Variants in HTR2A observed in about 807,000 individuals in gnomAD.
HTR2A encodes the protein 5-hydroxytryptamine receptor 2A, also known as 5-HT2 receptor.
Under a neutral mutation model 31.0 loss-of-function variants are expected in HTR2A, and 14 were observed. That is an observed-to-expected ratio of 0.45 (90% confidence interval 0.30 to 0.71). The LOEUF is 0.71. Ranked by LOEUF, HTR2A falls within the 30% of genes least tolerant of loss-of-function variation. The pLI, the probability that HTR2A is intolerant of heterozygous loss-of-function variation, is 0.09. For missense variants in HTR2A, 442 were observed against 573.3 expected (o/e 0.77, Z 2.34); for synonymous variants, 209 against 225.2 (o/e 0.93, Z 0.64).
intron 3 of HTR2A, among the ~76,000 whole-genome samples, chr13:46,855,872 G>A (rs776622789): frequency 1.1e-4 from 17 of 152,226 alleles, no homozygotes; most frequent in Non-Finnish European, 2.1e-4. Flanking sequence ...GTCCGCAAAA[G>A]TAAGGGTGCC....
At chr13:46,877,965 A>T (rs1386576370) in intron 3 of HTR2A, among the ~76,000 whole-genome samples, 1 of 152,172 alleles carries the variant, frequency 6.6e-6, no homozygotes, top group African/African-American at 2.4e-5. Context: ...TGGAGAATAA[A>T]AGATGAGGCA....
intron 1 of HTR2A, 61 bp from the exon 2 acceptor site, chr13:46,896,295 G>A: frequency 1.0e-6 from 1 of 986,248 alleles, no homozygotes. Flanking sequence ...ATCTCATTTT[G>A]TTGGTTATGC....
intron 3 of HTR2A, among the ~76,000 whole-genome samples, chr13:46,845,334 G>A (rs991140201): frequency 6.6e-6 from 1 of 152,150 alleles, no homozygotes; most frequent in South Asian, 2.1e-4. Context: ...ATGAGGCAAG[G>A]AGACAGGAGT....
At chr13:46,857,535 T>A (rs1950747551) in intron 3 of HTR2A, among the ~76,000 whole-genome samples, 1 of 152,162 alleles carries the variant, frequency 6.6e-6, no homozygotes, top group African/African-American at 2.4e-5. Context: ...CTCAAAGGAC[T>A]CACCTCCAAA....
intron 3 of HTR2A, among the ~76,000 whole-genome samples, chr13:46,852,558 G>C (rs527405640): frequency 4.0e-4 from 61 of 152,376 alleles, no homozygotes; most frequent in African/African-American, 1.3e-3. Context: ...AGACTGATGT[G>C]TTAACTTCTA....
At chr13:46,859,386 A>G (rs2138211876) in intron 3 of HTR2A, among the ~76,000 whole-genome samples, 1 of 152,222 alleles carries the variant, frequency 6.6e-6, no homozygotes, top group South Asian at 2.1e-4. Flanking sequence ...TTAAAAGTAT[A>G]TTTTTATTTA....
At chr13:46,881,738 G>A (rs1252832658) in intron 3 of HTR2A, among the ~76,000 whole-genome samples, 1 of 152,114 alleles carries the variant, frequency 6.6e-6, no homozygotes, top group Non-Finnish European at 1.5e-5. Flanking sequence ...AAAGGAGTTG[G>A]GCATAAACCT....
At position 46,895,838 on chromosome 13, in the gene HTR2A, A is replaced by C; in HGVS notation, c.69T>G (p.Asp23Glu). 1 of 1,614,146 alleles carries C rather than the reference A, an allele frequency of 6.2e-7. No homozygotes were observed. Among genetic ancestry groups the C allele is most frequent in the Non-Finnish European group, 8.5e-7 (1 of 1,180,014 alleles). The change falls in exon 2 of 4, where the codon GAT becomes GAG. Residue 23 changes from aspartate to glutamate, a missense_variant. Coordinates refer to ENST00000542664, the MANE Select transcript of HTR2A (RefSeq NM_000621.5). This position sits in a 1 kb window ranked among gnomAD's most constrained non-coding sequence, Gnocchi z 4.4. ...AGTCATTACTGTAGAGCCTGGTGTCATCATTTAATTGCATTAGGGAGTTCG... is the reference window on the plus strand; with the variant it reads ...AGTCATTACTGTAGAGCCTGGTGTCCTCATTTAATTGCATTAGGGAGTTCG... ...STTNSLMQLN[D>E]DTRLYSNDFN...
intron 3 of HTR2A, among the ~76,000 whole-genome samples, chr13:46,885,972 G>A (rs145905892): frequency 6.6e-6 from 1 of 152,122 alleles, no homozygotes; most frequent in African/African-American, 2.4e-5. Flanking sequence ...GTATTTTAAG[G>A]TTATTAACCC....
At chr13:46,888,227 G>T (rs1443037535) in intron 3 of HTR2A, among the ~76,000 whole-genome samples, 1 of 152,174 alleles carries the variant, frequency 6.6e-6, no homozygotes, top group Admixed American at 6.5e-5. Flanking sequence ...CAAGAGTTTT[G>T]TCAAAGTGGC....
chr13:46,874,318 G>A (rs933201885), intron 3 of HTR2A, among the ~76,000 whole-genome samples: 4 of 152,126 alleles, frequency 2.6e-5, no homozygotes, highest in Non-Finnish European at 5.9e-5. Context: ...GTAAAAAGGC[G>A]AACACAGGCT....
chr13:46,897,994 G>A (rs2138262870), upstream of HTR2A, among the ~76,000 whole-genome samples: 1 of 152,248 alleles, frequency 6.6e-6, no homozygotes, highest in South Asian at 2.1e-4. Context: ...TCAGACAGCT[G>A]CTGTTATCCG....
rs778337563 is a variant in HTR2A at position 46,834,816 on chromosome 13, G to T, written c.*21C>A. On this transcript the variant is annotated 3_prime_UTR_variant, in exon 4 of 4. Transcript: ENST00000542664. The stretch of plus-strand genomic sequence containing the variant: ...AAACTTGCTCAGTGTGCCTTCCACA[G>T]TTGCCACGGCAACTAGCCTATCACA... 1.3e-6 allele frequency: 2 copies of T among 1,572,322 alleles called. No individual in the cohort carries two copies. The highest frequency in any genetic ancestry group is 1.8e-5 in the Admixed American group (1 of 54,648).
At chr13:46,880,928 G>T (rs1485135377) in intron 3 of HTR2A, among the ~76,000 whole-genome samples, 1 of 152,128 alleles carries the variant, frequency 6.6e-6, no homozygotes, top group African/African-American at 2.4e-5. Context: ...AGTGGCCATG[G>T]ATCATCTATG....
At chr13:46,885,229 G>T (rs1001617599) in intron 3 of HTR2A, among the ~76,000 whole-genome samples, 3 of 152,186 alleles carry the variant, frequency 2.0e-5, no homozygotes, top group African/African-American at 7.2e-5. Flanking sequence ...TGGCTACAAA[G>T]TGACTCACAG....
intron 3 of HTR2A, among the ~76,000 whole-genome samples, chr13:46,862,786 A>G (rs542670562): frequency 1.3e-5 from 2 of 152,240 alleles, no homozygotes; most frequent in African/African-American, 2.4e-5. Context: ...TTGTCAGAAC[A>G]TGTAGAAAGA....
intron 3 of HTR2A, among the ~76,000 whole-genome samples, chr13:46,876,257 C>T (rs567750453): frequency 2.5e-4 from 38 of 152,094 alleles, no homozygotes; most frequent in African/African-American, 8.9e-4. Flanking sequence ...CTTGACACAA[C>T]CATCTCTGAT....
At position 46,835,104 on chromosome 13, in the gene HTR2A, G is replaced by A; in HGVS notation, c.1149C>T (p.Phe383=). Residue 383 remains phenylalanine, a synonymous_variant, in exon 4 of 4, where the codon TTC becomes TTT. Transcript: ENST00000542664. ...SAVNPLVYTL[F]NKTYRSAFSR... is the part of the protein sequence containing the mutation. ...AAAAGGCTGACCTATAGGTCTTGTT[G>A]AACAGTGTGTAGACTAGTGGGTTGA... is the stretch of plus-strand genomic sequence containing the variant. 2 of 1,614,062 alleles carry A rather than the reference G, an allele frequency of 1.2e-6. No homozygotes were observed. Among genetic ancestry groups the A allele is most frequent in the Non-Finnish European group, 8.5e-7 (1 of 1,179,982 alleles).
intron 3 of HTR2A, among the ~76,000 whole-genome samples, chr13:46,875,882 AAT>A (rs1330666383): frequency 6.6e-6 from 1 of 152,244 alleles, no homozygotes; most frequent in African/African-American, 2.4e-5. Context: ...CTGTAATAGT[AAT>A]ATATGTTATA....
Sources: allele counts gnomAD v4.1 joint callset (sites outside exome capture counted in the v4.1 genomes callset), GRCh38; gene constraint gnomAD v4.1.1; non-coding constraint Gnocchi (gnomAD v3.1); transcripts MANE v1.5; gene names NCBI Gene and HGNC (gene_info 2026-07-23, HGNC 2026-07-21).